The following KALRN variants were observed in gnomAD, a reference collection of about 807,000 sequenced individuals.
KALRN encodes the protein kalirin.
KALRN carries 70 observed loss-of-function variants against 353.7 expected under a neutral mutation model. That is an observed-to-expected ratio of 0.20 (90% CI 0.16 to 0.24). The LOEUF is 0.24. KALRN is among the 10% of genes least tolerant of loss of function. The probability of loss-of-function intolerance (pLI) is 1.00; values close to 1 mark genes in which losing one functional copy is unlikely to be tolerated. For missense variants in KALRN, 2,791 were observed against 3,756.7 expected, an observed-to-expected ratio of 0.74 and a Z score of 6.72; for synonymous variants, 1,391 against 1,434.8, an observed-to-expected ratio of 0.97 and a Z score of 0.69.
At chr3:124,181,076 C>CAAAAAAAAA (rs60579271) in intron 1 of KALRN, among the ~76,000 whole-genome samples, 659 of 52,604 alleles carry the variant, frequency 0.013, no homozygotes, top group Middle Eastern at 0.033. Flanking sequence ...ACTAAAAATA[C>CAAAAAAAAA]AAAAAAAAAA....
intron 33 of KALRN, among the ~76,000 whole-genome samples, chr3:124,506,419 G>A (rs2065238967): frequency 6.6e-6 from 1 of 152,174 alleles, no homozygotes. Context: ...CCATTTGTAG[G>A]AACTTAAAGT....
intron 34 of KALRN, among the ~76,000 whole-genome samples, chr3:124,623,397 T>TACACACACACACACACAC (rs1561450499): frequency 1.5e-5 from 1 of 65,262 alleles, no homozygotes; most frequent in African/African-American, 1.1e-4. Flanking sequence ...TATATTTATT[T>TACACACACACACACACAC]ATACACACAC....
chr3:124,198,994 G>A (rs2075707633), intron 1 of KALRN, among the ~76,000 whole-genome samples: 2 of 152,216 alleles, frequency 1.3e-5, no homozygotes, highest in African/African-American at 4.8e-5. Flanking sequence ...CAGGAGCAAG[G>A]ATGGGACAGG....
intron 27 of KALRN, among the ~76,000 whole-genome samples, chr3:124,477,630 A>T (rs1213900770): frequency 6.6e-6 from 1 of 152,172 alleles, no homozygotes; most frequent in East Asian, 1.9e-4. Context: ...GCAGTTGTTG[A>T]TTAATATATT....
intron 10 of KALRN, among the ~76,000 whole-genome samples, chr3:124,361,018 G>A (rs2149684072): frequency 6.6e-6 from 1 of 152,218 alleles, no homozygotes; most frequent in East Asian, 1.9e-4. Context: ...TTTATTGAAG[G>A]CACGCTTTTA....
intron 34 of KALRN, among the ~76,000 whole-genome samples, chr3:124,581,407 T>A (rs1251716480): frequency 4.1e-5 from 5 of 120,502 alleles, no homozygotes; most frequent in Admixed American, 8.3e-5. Flanking sequence ...AAAAAAAAAG[T>A]ATCGGTGGAA....
chr3:124,338,884 A>G (rs914419289), intron 9 of KALRN, among the ~76,000 whole-genome samples: 5 of 152,214 alleles, frequency 3.3e-5, no homozygotes, highest in African/African-American at 1.2e-4. Context: ...TTTGTTACAG[A>G]AAATGAGGGA....
At chr3:124,341,627 G>A (rs79466122) in intron 9 of KALRN, among the ~76,000 whole-genome samples, 5,294 of 152,086 alleles carry the variant, frequency 0.035, 288 homozygotes, top group African/African-American at 0.12. Flanking sequence ...AGCAGGAGAT[G>A]TTCACTCCAA....
At chr3:124,072,444 A>G (rs1185813928) in intron 1 of KALRN, among the ~76,000 whole-genome samples, 2 of 152,184 alleles carry the variant, frequency 1.3e-5, no homozygotes, top group African/African-American at 4.8e-5. Flanking sequence ...GTTGCTGCAA[A>G]TTAACTCCTG....
At chr3:124,695,544 G>A (rs1467123673) in intron 53 of KALRN, among the ~76,000 whole-genome samples, 1 of 152,172 alleles carries the variant, frequency 6.6e-6, no homozygotes. Context: ...TAGGGAAGGG[G>A]CAGAGCTGAC....
At chr3:124,560,110 C>T (rs1051204496) in intron 33 of KALRN, among the ~76,000 whole-genome samples, 4 of 152,212 alleles carry the variant, frequency 2.6e-5, no homozygotes, top group African/African-American at 4.8e-5. Flanking sequence ...TATCCTCTCC[C>T]GTCCAGCCCA....
chr3:124,340,927 G>T (rs1390930247), intron 9 of KALRN, among the ~76,000 whole-genome samples: 1 of 152,214 alleles, frequency 6.6e-6, no homozygotes, highest in Non-Finnish European at 1.5e-5. Flanking sequence ...CTGCACTCCA[G>T]CTTGGGCAAC....
At chr3:124,143,638 C>T (rs1221957523) in intron 1 of KALRN, among the ~76,000 whole-genome samples, 1 of 152,096 alleles carries the variant, frequency 6.6e-6, no homozygotes, top group Non-Finnish European at 1.5e-5. Flanking sequence ...GTTTCTTTTT[C>T]CCCTTTAAAT....
intron 33 of KALRN, among the ~76,000 whole-genome samples, chr3:124,530,662 G>C (rs536520201): frequency 6.6e-6 from 1 of 152,258 alleles, no homozygotes; most frequent in South Asian, 2.1e-4. Flanking sequence ...AGGATTACAA[G>C]CCGGGTTGTT....
At chr3:124,082,183 T>C (rs2060576565) in intron 1 of KALRN, 1 of 454,814 alleles carries the variant, frequency 2.2e-6, no homozygotes, top group Admixed American at 2.5e-5. Context: ...GGCAGCACCA[T>C]TGCCCTTCTG....
intron 33 of KALRN, among the ~76,000 whole-genome samples, chr3:124,510,688 A>G (rs1393676638): frequency 1.3e-5 from 2 of 152,104 alleles, no homozygotes; most frequent in Non-Finnish European, 2.9e-5. Context: ...GTATCAACTC[A>G]GCACCTCTTC....
intron 6 of KALRN, among the ~76,000 whole-genome samples, chr3:124,320,967 G>A (rs979175701): frequency 4.6e-5 from 7 of 152,130 alleles, no homozygotes; most frequent in Admixed American, 4.6e-4. Flanking sequence ...ATGAGACTTC[G>A]CTTTTTTTGC....
chr3:124,503,404 C>T (rs1056540692), intron 33 of KALRN, among the ~76,000 whole-genome samples: 2 of 151,690 alleles, frequency 1.3e-5, no homozygotes, highest in African/African-American at 4.8e-5. Flanking sequence ...ATATTCACCC[C>T]AAAGTAGGAA....
chr3:124,634,038 C>A, intron 36 of KALRN, 85 bp downstream of exon 36: 2 of 955,158 alleles, frequency 2.1e-6, no homozygotes, highest in Non-Finnish European at 1.6e-6. Flanking sequence ...TAGTCATACT[C>A]TTTCTCCCAT....
Sources: allele counts gnomAD v4.1 joint callset (sites outside exome capture counted in the v4.1 genomes callset), GRCh38; gene constraint gnomAD v4.1.1; transcripts MANE v1.5; gene names NCBI Gene and HGNC (gene_info 2026-07-23, HGNC 2026-07-21).